ADGRB2: variants seen among roughly 807,000 people sequenced by gnomAD.
The protein encoded by ADGRB2 is brain-specific angiogenesis inhibitor 2.
A neutral mutation model predicts 178.7 loss-of-function variants in ADGRB2; 47 were observed. The observed-to-expected ratio is 0.26, with a 90% CI of 0.21 to 0.34. ADGRB2 has a LOEUF of 0.34. ADGRB2 is among the 10% of genes least tolerant of loss of function. The pLI, the probability that ADGRB2 is intolerant of heterozygous loss-of-function variation, is 1.00. For synonymous variants in ADGRB2, 870 were observed against 912.4 expected, an observed-to-expected ratio of 0.95 and a Z score of 0.84; for missense variants, 1,584 against 2,180.8, an observed-to-expected ratio of 0.73 and a Z score of 5.45.
At position 31,727,984 on chromosome 1, in the gene ADGRB2, C is replaced by T; in HGVS notation, c.4572+41G>A. The T allele has an allele frequency of 6.6e-7, 1 of 1,526,380 alleles. No homozygotes were observed. Among genetic ancestry groups the T allele is most frequent in the Non-Finnish European group, 8.8e-7 (1 of 1,140,492 alleles). 94.6% of individuals were successfully genotyped at this position (1,526,380 alleles called of 1,614,324 possible). A position where few individuals can be genotyped will look rare whatever the true frequency, so the allele number is the denominator to read the frequency against. ...CAGGAGGGCAGGGAGGGCACGGGTC[C>T]CTCAGGCCCACCTCACCCCACCCAG... On this transcript the variant is annotated intron_variant, in intron 32 of 32. Coordinates refer to ENST00000373658, the MANE Select transcript of ADGRB2 (RefSeq NM_001364857.2). The surrounding 1 kb of genome is among the most constrained non-coding windows in gnomAD (Gnocchi z 4.4).
chr1:31,756,301 G>A lies in ADGRB2; in HGVS notation c.536C>T (p.Ala179Val), dbSNP rs1420270980. The change falls in exon 4 of 33, where the codon GCC becomes GTC. Residue 179 changes from alanine to valine, a missense_variant. Transcript: ENST00000373658. This position sits in a 1 kb window ranked among gnomAD's most constrained non-coding sequence, Gnocchi z 8.5. ...GAGCAAGACCTCGACAAAGCGGAAG[G>A]CTAGGGCAGCGGGCGCCAGCAGGCG... ...APRLLAPAAL[A>V]FRFVEVLLIN... is the part of the protein sequence containing the mutation. 6.2e-7 allele frequency: 1 copy of A among 1,613,026 alleles called. No homozygotes were observed. The highest frequency in any genetic ancestry group is 8.5e-7 in the Non-Finnish European group (1 of 1,179,960).
chr1:31,759,121 A>G lies in ADGRB2; in HGVS notation c.-190-1610T>C, dbSNP rs1291786273. 2.0e-5 allele frequency among the ~76,000 whole-genome samples: 3 copies of G among 152,084 alleles called. No individual in the cohort carries two copies. In the East Asian group the frequency reaches 5.8e-4, roughly 29 times the overall value. On this transcript the variant is annotated intron_variant, in intron 1 of 32. Transcript: ENST00000373658. The surrounding 1 kb of genome is among the most constrained non-coding windows in gnomAD (Gnocchi z 4.3). ...ACCCTTGTGCCCTGAGGACACACACACCAAAGCATGAGGGCACAGATGTTC... is the reference window on the plus strand; with the variant it reads ...ACCCTTGTGCCCTGAGGACACACACGCCAAAGCATGAGGGCACAGATGTTC...
chr1:31,745,205 G>GA (rs752580503), intron 4 of ADGRB2, among the ~76,000 whole-genome samples: 2 of 152,322 alleles, frequency 1.3e-5, no homozygotes, highest in South Asian at 4.1e-4. Flanking sequence ...CCTAGGGGCT[G>GA]AAAAAACATC....
At position 31,764,332 on chromosome 1, in the gene ADGRB2, G is replaced by A. The variant is rs1170849946; in HGVS notation, c.-639C>T. The A allele has an allele frequency of 1.3e-5, 2 of 156,292 alleles. No homozygotes were observed. Among genetic ancestry groups the A allele is most frequent in the Admixed American group, 6.8e-5 (1 of 14,720 alleles). 9.7% of individuals were successfully genotyped at this position (156,292 alleles called of 1,614,324 possible). The stretch of plus-strand genomic sequence containing the variant: ...CCGGCCGCTGCCCGCAGCGCGCGCC[G>A]GGCCGAGTGACGGCCGAGGCGGGAC... On this transcript the variant is annotated 5_prime_UTR_variant, in exon 1 of 33. Coordinates refer to ENST00000373658, the MANE Select transcript of ADGRB2 (RefSeq NM_001364857.2). This position sits in a 1 kb window ranked among gnomAD's most constrained non-coding sequence, Gnocchi z 7.3.
chr1:31,753,630 C>G lies in ADGRB2; in HGVS notation c.838+2369G>C, dbSNP rs1389175551. On this transcript the variant is annotated intron_variant, in intron 4 of 32. Transcript: ENST00000373658. This position sits in a 1 kb window ranked among gnomAD's most constrained non-coding sequence, Gnocchi z 4.1. ...GCTCTCAGTCTGGCAGCTGCAGGTG[C>G]CAGTCCATTCTCCTGCAGCCCAGTG... Among the ~76,000 whole-genome samples, 9 of 152,206 alleles carry G rather than the reference C, an allele frequency of 5.9e-5. No individual in the cohort carries two copies.
Position 31,744,558 on chromosome 1 carries a change from GAGAC to G in ADGRB2, c.922+86_922+89del. 2 of 1,511,180 alleles carry G rather than the reference GAGAC, an allele frequency of 1.3e-6. No homozygotes were observed. Among genetic ancestry groups the G allele is most frequent in the Non-Finnish European group, 1.8e-6 (2 of 1,105,094 alleles). 93.6% of individuals were successfully genotyped at this position (1,511,180 alleles called of 1,614,324 possible). Reference sequence around the variant, plus strand: ...ACAGACGCGACTGAACTGCAGGACAGAGACAGACAGGCACACACCAAGCACACAC... The same window carrying G: ...ACAGACGCGACTGAACTGCAGGACAGAGACAGGCACACACCAAGCACACAC... On this transcript the variant is annotated intron_variant, in intron 5 of 32. Coordinates refer to ENST00000373658, the MANE Select transcript of ADGRB2 (RefSeq NM_001364857.2). This position sits in a 1 kb window ranked among gnomAD's most constrained non-coding sequence, Gnocchi z 6.7.
chr1:31,762,753 T>G (rs1647078125), intron 1 of ADGRB2, among the ~76,000 whole-genome samples: 1 of 152,216 alleles, frequency 6.6e-6, no homozygotes, highest in African/African-American at 2.4e-5. Flanking sequence ...CCACCGCTGA[T>G]GCTCTGGCTG....
In ADGRB2 at chr1:31,728,458, G is replaced by C. The variant is rs1256811560; in HGVS notation, c.4416+140C>G. 7.1e-7 allele frequency: 1 copy of C among 1,416,300 alleles called. No homozygotes were observed. Among genetic ancestry groups the C allele is most frequent in the East Asian group, 2.3e-5 (1 of 43,742 alleles). The allele number at this position is 1,416,300 out of a possible 1,614,324, so 87.7% of individuals were successfully genotyped here. A position where few individuals can be genotyped will look rare whatever the true frequency, so the allele number is the denominator to read the frequency against. ...GGCTTGGGCAGGGAGGGAATCATGG[G>C]AAGATCCCACGGAACCCCCGGGCTT... On this transcript the variant is annotated intron_variant, in intron 30 of 32. Coordinates refer to ENST00000373658, the MANE Select transcript of ADGRB2 (RefSeq NM_001364857.2). This position sits in a 1 kb window ranked among gnomAD's most constrained non-coding sequence, Gnocchi z 6.7.
rs777083782 is a variant in ADGRB2 at position 31,744,192 on chromosome 1, C to G, written c.1087+1G>C. Reference sequence around the variant, plus strand: ...TGGGGTGGGGAGGAGGATGGGCCTACCTGGGCAGGTGGCTGAATTGTTGCA... The same window carrying G: ...TGGGGTGGGGAGGAGGATGGGCCTAGCTGGGCAGGTGGCTGAATTGTTGCA... On this transcript the variant is annotated splice_donor_variant, in intron 6 of 32. Transcript: ENST00000373658. LOFTEE classifies it high-confidence loss of function. This position sits in a 1 kb window ranked among gnomAD's most constrained non-coding sequence, Gnocchi z 6.7. 1.3e-6 allele frequency: 2 copies of G among 1,529,408 alleles called. No homozygotes were observed. The highest frequency in any genetic ancestry group is 2.4e-5 in the South Asian group (2 of 82,908). 94.7% of individuals were successfully genotyped at this position (1,529,408 alleles called of 1,614,324 possible).
In ADGRB2 at chr1:31,759,183, C is replaced by T. The variant is rs1384007882; in HGVS notation, c.-190-1672G>A. 4.2e-6 allele frequency: 3 copies of T among 722,250 alleles called. No homozygotes were observed. Among genetic ancestry groups the T allele is most frequent in the Admixed American group, 1.8e-5 (1 of 54,690 alleles). The allele number at this position is 722,250 out of a possible 1,614,324, so 44.7% of individuals were successfully genotyped here. A position where few individuals can be genotyped will look rare whatever the true frequency, so the allele number is the denominator to read the frequency against. On this transcript the variant is annotated intron_variant, in intron 1 of 32. Coordinates refer to ENST00000373658, the MANE Select transcript of ADGRB2 (RefSeq NM_001364857.2). This position sits in a 1 kb window ranked among gnomAD's most constrained non-coding sequence, Gnocchi z 4.3. The stretch of plus-strand genomic sequence containing the variant: ...GCATATGAATGGATACATATGTACA[C>T]GGACATGCACACAGGTGAAACCCAC...
chr1:31,736,526 C>T (rs372849062), intron 21 of ADGRB2, 47 bp downstream of exon 21: 1 of 1,602,844 alleles, frequency 6.2e-7, no homozygotes, highest in African/African-American at 1.3e-5. Context: ...CTTGCTGCCC[C>T]TGCCCACCAA....
chr1:31,736,740 T>TA lies in ADGRB2; in HGVS notation c.2980-18_2980-17insT, dbSNP rs764783080. Reference sequence around the variant, plus strand: ...GCACACGCCCTGCAGGGAGAGGGAATGGGAGGGAGTGGCCCTGAGCAGCCG... The same window carrying TA: ...GCACACGCCCTGCAGGGAGAGGGAATAGGGAGGGAGTGGCCCTGAGCAGCCG... On this transcript the variant is annotated splice_polypyrimidine_tract_variant and intron_variant, in intron 20 of 32. Transcript: ENST00000373658. 4 of 1,611,280 alleles carry TA rather than the reference T, an allele frequency of 2.5e-6. No individual in the cohort carries two copies. Among genetic ancestry groups the TA allele is most frequent in the Non-Finnish European group, 1.7e-6 (2 of 1,178,584 alleles).
chr1:31,742,349 G>C, intron 7 of ADGRB2, 132 bp from the exon 8 acceptor site: 1 of 1,262,838 alleles, frequency 7.9e-7, no homozygotes, highest in South Asian at 1.5e-5. Flanking sequence ...ACTGGAGTGG[G>C]GAGGGGAGGG....
At position 31,733,194 on chromosome 1, in the gene ADGRB2, T is replaced by C. The variant is rs1041192866; in HGVS notation, c.3453-51A>G. 3 of 1,537,340 alleles carry C rather than the reference T, an allele frequency of 2.0e-6. No individual in the cohort carries two copies. The highest frequency in any genetic ancestry group is 2.6e-6 in the Non-Finnish European group (3 of 1,139,780). On this transcript the variant is annotated intron_variant, in intron 25 of 32. Transcript: ENST00000373658. The surrounding 1 kb of genome is among the most constrained non-coding windows in gnomAD (Gnocchi z 4.3). ...CAGAGTGACACTCCGGGGGACAGGATGGCTTGAGCCTAGGCCTCCACTCAG... is the reference window on the plus strand; with the variant it reads ...CAGAGTGACACTCCGGGGGACAGGACGGCTTGAGCCTAGGCCTCCACTCAG...
At chr1:31,737,795 G>T in intron 18 of ADGRB2, 40 bp from the exon 19 acceptor site, 2 of 1,574,232 alleles carry the variant, frequency 1.3e-6, no homozygotes, top group Non-Finnish European at 1.7e-6. Context: ...GTTCCTGGGA[G>T]GGGGGAGCTG....
Position 31,735,126 on chromosome 1 carries a change from C to T in ADGRB2, c.3452+57G>A, listed in dbSNP as rs1175236807. ...CTCCTCCCCCCACCATGGGCACTGCCCCCCCCAATTCCTTTGCCCCACCCA... is the reference window on the plus strand; with the variant it reads ...CTCCTCCCCCCACCATGGGCACTGCTCCCCCCAATTCCTTTGCCCCACCCA... On this transcript the variant is annotated intron_variant, in intron 25 of 32. Coordinates refer to ENST00000373658, the MANE Select transcript of ADGRB2 (RefSeq NM_001364857.2). The surrounding 1 kb of genome is among the most constrained non-coding windows in gnomAD (Gnocchi z 6.0). 6 of 989,678 alleles carry T rather than the reference C, an allele frequency of 6.1e-6. No individual in the cohort carries two copies. The African/African-American group carries it at 6.7e-5, about 11-fold the overall frequency. The allele number at this position is 989,678 out of a possible 1,614,324, so 61.3% of individuals were successfully genotyped here.
Position 31,741,557 on chromosome 1 carries a change from G to A in ADGRB2, c.1687+67C>T. The A allele has an allele frequency of 5.0e-6, 8 of 1,597,510 alleles. No homozygotes were observed. The South Asian group carries it at 7.8e-5, about 16-fold the overall frequency. On this transcript the variant is annotated intron_variant, in intron 10 of 32. Coordinates refer to ENST00000373658, the MANE Select transcript of ADGRB2 (RefSeq NM_001364857.2). This position sits in a 1 kb window ranked among gnomAD's most constrained non-coding sequence, Gnocchi z 6.5. ...ACTCCTCCGTATCTCAGAGAGGCTG[G>A]GGGCGCAGAAGGGGGCAATGAGAAT...
At chr1:31,732,267 G>A (rs1645327035) in intron 27 of ADGRB2, 113 bp from the exon 28 acceptor site, 3 of 1,433,232 alleles carry the variant, frequency 2.1e-6, no homozygotes, top group East Asian at 2.3e-5. Context: ...CCTTAGGGCT[G>A]CCCATGGCCC....
intron 4 of ADGRB2, among the ~76,000 whole-genome samples, chr1:31,752,756 G>A (rs1013103549): frequency 6.6e-6 from 1 of 152,108 alleles, no homozygotes; most frequent in African/African-American, 2.4e-5. Context: ...GGATTTGCTG[G>A]GGGCTCGATC....
Sources: allele counts gnomAD v4.1 joint callset (sites outside exome capture counted in the v4.1 genomes callset), GRCh38; gene constraint gnomAD v4.1.1; non-coding constraint Gnocchi (gnomAD v3.1); transcripts MANE v1.5; gene names NCBI Gene and HGNC (gene_info 2026-07-23, HGNC 2026-07-21).